The following PUM1 variants were observed in gnomAD, a reference collection of about 807,000 sequenced individuals.
PUM1 encodes pumilio homolog 1.
PUM1 carries 13 observed loss-of-function variants against 131.8 expected under a neutral mutation model. The observed-to-expected ratio is 0.10, with a 90% CI of 0.06 to 0.16. PUM1 has a LOEUF of 0.16. Among genes scored for constraint, PUM1 ranks in the 10% least tolerant of loss-of-function variants. The probability of loss-of-function intolerance (pLI) is 1.00; values close to 1 mark genes in which losing one functional copy is unlikely to be tolerated. For missense variants in PUM1, 961 were observed against 1,512.4 expected (o/e 0.64, Z 6.05); for synonymous variants, 509 against 556.5 (o/e 0.91, Z 1.20).
intron 3 of PUM1, among the ~76,000 whole-genome samples, chr1:31,025,478 G>T (rs901775305): frequency 1.3e-5 from 2 of 151,590 alleles, no homozygotes; most frequent in Non-Finnish European, 2.9e-5. Flanking sequence ...AAGATATGGT[G>T]CCTAGCTTAA....
In PUM1 at chr1:30,942,191, TTATATATATATATATATA is replaced by T. The variant is rs58848270; in HGVS notation, c.2995-86_2995-69del. On this transcript the variant is annotated intron_variant, in intron 18 of 21. Transcript: ENST00000426105. ...ACCACCTTCAATGCTTCAGTATTGT[TTATATATATATATATATA>T]TATATATATATATATATATATATAT... The T allele has an allele frequency of 4.1e-3, 591 of 145,232 alleles. 24 individuals carry two copies. The highest frequency in any genetic ancestry group is 0.022 in the East Asian group (148 of 6,830). The allele number at this position is 145,232 out of a possible 1,614,324, so 9.0% of individuals were successfully genotyped here.
intron 6 of PUM1, 98 bp downstream of exon 6, chr1:30,994,953 CATG>C (rs1641929639): frequency 8.0e-7 from 1 of 1,256,796 alleles, no homozygotes; most frequent in African/African-American, 1.5e-5. Flanking sequence ...AAAAAGAAAA[CATG>C]AAGAGGGGAA....
chr1:30,982,981 G>A (rs1250342394), intron 7 of PUM1, among the ~76,000 whole-genome samples: 2 of 151,892 alleles, frequency 1.3e-5, no homozygotes, highest in South Asian at 2.1e-4. Flanking sequence ...ACTTCACTGC[G>A]ATGCTGGCAA....
chr1:30,945,254 A>C, intron 18 of PUM1, 92 bp downstream of exon 18: 3 of 1,413,980 alleles, frequency 2.1e-6, no homozygotes, highest in Non-Finnish European at 3.0e-6. Flanking sequence ...AAGTACATTA[A>C]GCATATTGAG....
intron 7 of PUM1, among the ~76,000 whole-genome samples, chr1:30,991,581 C>T (rs1261244962): frequency 6.6e-6 from 1 of 152,124 alleles, no homozygotes; most frequent in Admixed American, 6.5e-5. Flanking sequence ...TCTGCATTAA[C>T]GATCTATTAC....
intron 5 of PUM1, 40 bp downstream of exon 5, chr1:31,005,812 AG>A (rs776555981): frequency 1.2e-4 from 182 of 1,527,094 alleles, no homozygotes; most frequent in Non-Finnish European, 1.6e-4. Context: ...AGAGAGAGAG[AG>A]AGAGAGAGAG....
At chr1:30,970,278 T>A (rs546021600) in intron 10 of PUM1, among the ~76,000 whole-genome samples, 20 of 152,318 alleles carry the variant, frequency 1.3e-4, no homozygotes, top group African/African-American at 4.8e-4. Context: ...GAAGCAACAC[T>A]AATAACCAAT....
chr1:30,939,655 CAT>C (rs896413684), intron 20 of PUM1, among the ~76,000 whole-genome samples: 88 of 152,280 alleles, frequency 5.8e-4, no homozygotes, highest in African/African-American at 1.9e-3. Context: ...ACAGTTTACA[CAT>C]GTTATCAATG....
intron 7 of PUM1, among the ~76,000 whole-genome samples, chr1:30,982,852 T>TTA (rs1467656758): frequency 1.3e-5 from 2 of 152,362 alleles, no homozygotes; most frequent in African/African-American, 4.8e-5. Flanking sequence ...TGTTAACTCT[T>TTA]TAGTCTTAGT....
chr1:30,954,783 C>A (rs1640079111), intron 14 of PUM1, among the ~76,000 whole-genome samples: 2 of 152,004 alleles, frequency 1.3e-5, no homozygotes, highest in African/African-American at 4.8e-5. Flanking sequence ...ATATAGCAGG[C>A]CAGGCGTGGT....
chr1:31,048,618 G>A (rs1644029670), intron 2 of PUM1, among the ~76,000 whole-genome samples: 1 of 151,682 alleles, frequency 6.6e-6, no homozygotes, highest in South Asian at 2.1e-4. Flanking sequence ...GGGACTACAG[G>A]CGCGTGCCAC....
chr1:30,949,937 T>C (rs2124408520), intron 17 of PUM1, among the ~76,000 whole-genome samples, 190 bp downstream of exon 17: 1 of 152,336 alleles, frequency 6.6e-6, no homozygotes, highest in South Asian at 2.1e-4. Flanking sequence ...CAGGTTTTAA[T>C]ACAAGATACT....
At chr1:31,050,818 A>G (rs1189632197) in intron 2 of PUM1, 2 of 178,304 alleles carry the variant, frequency 1.1e-5, no homozygotes, top group African/African-American at 2.3e-5. Context: ...ATTACAAGGT[A>G]TAAAAATTAA....
At chr1:30,970,572 TGTTTCAAAC>T (rs1243227736) in intron 10 of PUM1, among the ~76,000 whole-genome samples, 2 of 152,196 alleles carry the variant, frequency 1.3e-5, no homozygotes, top group African/African-American at 4.8e-5. Context: ...AGAGAAAGTG[TGTTTCAAAC>T]TACGTAGATA....
At chr1:31,038,641 GTTCT>G (rs1227657013) in intron 2 of PUM1, among the ~76,000 whole-genome samples, 5 of 152,174 alleles carry the variant, frequency 3.3e-5, no homozygotes, top group African/African-American at 4.8e-5. Flanking sequence ...CTAGAGCTAG[GTTCT>G]TTAAGATGAT....
At chr1:30,942,777 TTTG>T (rs1639509781) in intron 18 of PUM1, among the ~76,000 whole-genome samples, 1 of 152,150 alleles carries the variant, frequency 6.6e-6, no homozygotes, top group Non-Finnish European at 1.5e-5. Context: ...TCTGTATGAT[TTTG>T]TTTTGTTTTG....
chr1:31,026,964 C>T (rs1408434029), intron 3 of PUM1, among the ~76,000 whole-genome samples: 14 of 143,790 alleles, frequency 9.7e-5, no homozygotes, highest in South Asian at 6.5e-4. Flanking sequence ...AAAAAAAAGG[C>T]GTTTCTGGAA....
intron 3 of PUM1, among the ~76,000 whole-genome samples, chr1:31,014,059 T>C (rs1642719797): frequency 6.6e-6 from 1 of 152,056 alleles, no homozygotes; most frequent in South Asian, 2.1e-4. Context: ...CCCAGCACTT[T>C]GGGAGGTGAG....
intron 5 of PUM1, among the ~76,000 whole-genome samples, chr1:30,995,522 C>T (rs1179300582): frequency 6.7e-6 from 1 of 150,348 alleles, no homozygotes; most frequent in African/African-American, 2.5e-5. Flanking sequence ...TCTTCCTACC[C>T]AAAGCCCAGC....
Sources: gnomAD v4.1 joint callset for allele counts (sites outside exome capture counted in the v4.1 genomes callset) on GRCh38, gnomAD v4.1.1 for gene constraint, MANE v1.5 for transcripts, NCBI Gene and HGNC (gene_info 2026-07-23, HGNC 2026-07-21) for gene names.